Variants in DCHS2 observed in about 807,000 individuals in gnomAD.
The protein encoded by DCHS2 is dachsous cadherin-related 2.
In DCHS2, 142 loss-of-function variants were observed where a neutral mutation model predicts 182.4. The observed-to-expected ratio is 0.78, with a 90% CI of 0.68 to 0.89. The LOEUF (loss-of-function observed/expected upper bound fraction) is 0.89. DCHS2 is among the 40% of genes least tolerant of loss of function. DCHS2 has a pLI of 0.00. For missense variants in DCHS2, 4,319 were observed against 4,198.6 expected, an observed-to-expected ratio of 1.03 and a Z score of -0.79; for synonymous variants, 1,740 against 1,663.3, an observed-to-expected ratio of 1.05 and a Z score of -1.12.
chr4:154,401,284 A>C (rs188410339), intron 1 of DCHS2, among the ~76,000 whole-genome samples: 9 of 152,216 alleles, frequency 5.9e-5, no homozygotes, highest in Admixed American at 5.9e-4. Flanking sequence ...CACCACGGAC[A>C]TCTGTTATTT....
chr4:154,242,843 T>C, intron 16 of DCHS2, 71 bp from the exon 17 acceptor site: 4 of 1,503,168 alleles, frequency 2.7e-6, no homozygotes, highest in African/African-American at 1.4e-5. Flanking sequence ...AAATATCAAA[T>C]ATCTAGTTGA....
At chr4:154,466,356 A>G (rs1285490909) in intron 1 of DCHS2, among the ~76,000 whole-genome samples, 1 of 152,206 alleles carries the variant, frequency 6.6e-6, no homozygotes, top group Non-Finnish European at 1.5e-5. Context: ...TATTCATATC[A>G]ATTACCCAAG....
intron 1 of DCHS2, among the ~76,000 whole-genome samples, chr4:154,424,269 G>A (rs897501421): frequency 1.3e-5 from 2 of 152,110 alleles, no homozygotes; most frequent in Non-Finnish European, 2.9e-5. Context: ...AGGGATATAA[G>A]TACAATACGT....
chr4:154,278,494 G>T (rs551920259), intron 13 of DCHS2, among the ~76,000 whole-genome samples: 17 of 151,734 alleles, frequency 1.1e-4, no homozygotes, highest in Non-Finnish European at 2.2e-4. Flanking sequence ...AAATCTGAGG[G>T]AAAAAATAGA....
intron 9 of DCHS2, among the ~76,000 whole-genome samples, chr4:154,317,864 G>T (rs987775786): frequency 6.6e-6 from 1 of 152,090 alleles, no homozygotes; most frequent in Non-Finnish European, 1.5e-5. Context: ...TTCAAAAAAA[G>T]AAATGTTACA....
intron 1 of DCHS2, among the ~76,000 whole-genome samples, chr4:154,481,687 A>C (rs1489463220): frequency 6.6e-6 from 1 of 152,204 alleles, no homozygotes; most frequent in Non-Finnish European, 1.5e-5. Flanking sequence ...GATATGCATC[A>C]TCTCATTTAA....
chr4:154,266,351 T>G (rs1733261273), intron 14 of DCHS2, among the ~76,000 whole-genome samples: 1 of 152,050 alleles, frequency 6.6e-6, no homozygotes, highest in South Asian at 2.1e-4. Flanking sequence ...GTTTGTTTGT[T>G]TGTTTTTCCA....
chr4:154,477,533 T>C (rs1735737315), intron 1 of DCHS2, among the ~76,000 whole-genome samples: 1 of 152,182 alleles, frequency 6.6e-6, no homozygotes, highest in Non-Finnish European at 1.5e-5. Context: ...GATGTGAACT[T>C]GATCTTACAA....
chr4:154,240,877 C>A, intron 17 of DCHS2, 54 bp from the exon 18 acceptor site: 1 of 1,587,536 alleles, frequency 6.3e-7, no homozygotes, highest in Non-Finnish European at 8.6e-7. Flanking sequence ...CTTTGAAATA[C>A]ATTTCTTTAG....
intron 1 of DCHS2, among the ~76,000 whole-genome samples, chr4:154,452,729 A>AT (rs922818825): frequency 9.9e-5 from 15 of 152,166 alleles, no homozygotes; most frequent in Admixed American, 3.3e-4. Context: ...ATAACCCTAA[A>AT]TTTTTTTTCT....
chr4:154,329,499 T>C (rs1343050305), intron 6 of DCHS2, 24 bp downstream of exon 6: 1 of 1,602,106 alleles, frequency 6.2e-7, no homozygotes, highest in African/African-American at 1.3e-5. Flanking sequence ...TATTACAAAT[T>C]CATTGCAAGG....
chr4:154,292,085 A>G (rs77162758), intron 13 of DCHS2, among the ~76,000 whole-genome samples: 2,572 of 152,252 alleles, frequency 0.017, 69 homozygotes, highest in African/African-American at 0.058. Flanking sequence ...TACCTACTAC[A>G]TACCTGCATA....
In DCHS2 at chr4:154,490,929, C is replaced by A; in HGVS notation, c.427G>T (p.Ala143Ser). The change falls in exon 1 of 20, where the codon GCC becomes TCC. Residue 143 changes from alanine (A) to serine (S), a missense_variant. Transcript: ENST00000357232. ...RERRDHYSFV[A>S]ATLLGAVVQV... The stretch of plus-strand genomic sequence containing the variant: ...ACCACAGCGCCCAGCAGCGTGGCGG[C>A]GACGAAGCTGTAGTGGTCCCGCCGC... 1.9e-6 allele frequency: 3 copies of A among 1,551,064 alleles called. No homozygotes were observed. The highest frequency in any genetic ancestry group is 2.6e-6 in the Non-Finnish European group (3 of 1,146,854).
chr4:154,289,404 G>A (rs961576747), intron 13 of DCHS2, among the ~76,000 whole-genome samples: 1 of 151,954 alleles, frequency 6.6e-6, no homozygotes, highest in Admixed American at 6.6e-5. Context: ...TCCAAAGCCT[G>A]AACAGACCAA....
intron 1 of DCHS2, among the ~76,000 whole-genome samples, chr4:154,469,963 G>T (rs1560777639): frequency 6.6e-6 from 1 of 151,930 alleles, no homozygotes; most frequent in Non-Finnish European, 1.5e-5. Flanking sequence ...TCTATTTTCT[G>T]TCTGTCTTCT....
At chr4:154,351,219 A>G (rs1729595803) in intron 3 of DCHS2, among the ~76,000 whole-genome samples, 1 of 152,212 alleles carries the variant, frequency 6.6e-6, no homozygotes, top group African/African-American at 2.4e-5. Context: ...CCAATAAAGT[A>G]TGTACCAAAA....
At chr4:154,342,396 C>A (rs1490570237) in intron 3 of DCHS2, among the ~76,000 whole-genome samples, 1 of 152,082 alleles carries the variant, frequency 6.6e-6, no homozygotes, top group Admixed American at 6.5e-5. Flanking sequence ...TTGATTGACT[C>A]TTCCTTCCAC....
intron 13 of DCHS2, among the ~76,000 whole-genome samples, chr4:154,283,957 A>G (rs909074777): frequency 1.4e-4 from 21 of 152,210 alleles, no homozygotes; most frequent in Non-Finnish European, 2.5e-4. Flanking sequence ...GCATGTGTTC[A>G]GAAAGAAAGG....
intron 13 of DCHS2, among the ~76,000 whole-genome samples, chr4:154,291,963 T>C (rs1734685620): frequency 6.6e-6 from 1 of 152,158 alleles, no homozygotes; most frequent in Non-Finnish European, 1.5e-5. Flanking sequence ...ACTGGATTGT[T>C]TGCAACACAA....
Sources: allele counts gnomAD v4.1 joint callset (sites outside exome capture counted in the v4.1 genomes callset), GRCh38; gene constraint gnomAD v4.1.1; transcripts MANE v1.5; gene names NCBI Gene and HGNC (gene_info 2026-07-23, HGNC 2026-07-21).